PIH1D2: variants seen among roughly 807,000 people sequenced by gnomAD.
PIH1D2 encodes the protein PIH1 domain containing 2.
In PIH1D2, 25 loss-of-function variants were observed where a neutral mutation model predicts 31.2. That is an observed-to-expected ratio of 0.80 (90% CI 0.58 to 1.12). PIH1D2 has a LOEUF of 1.12. PIH1D2 is among the 50% of genes most tolerant of loss of function. The pLI is 0.00. For synonymous variants in PIH1D2, 116 were observed against 119.9 expected, an observed-to-expected ratio of 0.97 and a Z score of 0.21; for missense variants, 310 against 356.6, an observed-to-expected ratio of 0.87 and a Z score of 1.05.
chr11:112,070,199 G>A (rs1474464331), intron 5 of PIH1D2: 1 of 605,686 alleles, frequency 1.7e-6, no homozygotes, highest in African/African-American at 1.9e-5. Flanking sequence ...GAGTAGAAGT[G>A]ATATCATGAA....
In PIH1D2 at chr11:112,070,461, G is replaced by C. The variant is rs782583609; in HGVS notation, c.788C>G (p.Ser263Cys). 40 of 1,613,908 alleles carry C rather than the reference G, an allele frequency of 2.5e-5. No individual in the cohort carries two copies. Among genetic ancestry groups the C allele is most frequent in the Non-Finnish European group, 3.2e-5 (38 of 1,179,954 alleles). The part of the protein sequence containing the change: ...KVELPGINSV[S>C]LCDLSVSEDD... ...CTCAGAAACACTAAGGTCACAGAGA[G>C]AGACAGAATTAATACCAGGTAATTC... Residue 263 changes from serine to cysteine, a missense_variant, in exon 5 of 6, where the codon TCT becomes TGT. Physicochemically the swap from Ser to Cys is moderately radical, Grantham distance 112. Transcript: ENST00000280350.
intron 5 of PIH1D2, among the ~76,000 whole-genome samples, chr11:112,069,176 G>T (rs1168222099): frequency 6.6e-6 from 1 of 150,780 alleles, no homozygotes; most frequent in Non-Finnish European, 1.5e-5. Flanking sequence ...TGTTTTTTTT[G>T]TATTTTAGTA....
At chr11:112,059,317 C>T (rs587643051), downstream of PIH1D2, among the ~76,000 whole-genome samples, 20 of 151,098 alleles carry the variant, frequency 1.3e-4, no homozygotes, top group Non-Finnish European at 1.5e-4. Flanking sequence ...ACGATATGTG[C>T]GAAACCAACC....
chr11:112,068,073 T>C, intron 5 of PIH1D2, 68 bp from the exon 6 acceptor site: 1 of 1,088,602 alleles, frequency 9.2e-7, no homozygotes, highest in Non-Finnish European at 1.3e-6. Context: ...TTGTTCCCAG[T>C]TATTCACTCC....
intron 5 of PIH1D2, among the ~76,000 whole-genome samples, chr11:112,069,303 CA>C (rs1865040195): frequency 6.6e-6 from 1 of 152,062 alleles, no homozygotes; most frequent in Non-Finnish European, 1.5e-5. Flanking sequence ...CGTACCCAGC[CA>C]AAACCTCTGA....
At chr11:112,065,456 AAATACAT>A (rs1333702571), downstream of PIH1D2, among the ~76,000 whole-genome samples, 3 of 152,174 alleles carry the variant, frequency 2.0e-5, no homozygotes, top group Non-Finnish European at 4.4e-5. Flanking sequence ...AGTTTTTAGG[AAATACAT>A]TTTGGTAGTG....
chr11:112,071,158 T>A lies in PIH1D2; in HGVS notation c.427A>T (p.Thr143Ser), dbSNP rs1212949189. Reference protein sequence around the residue: ...MKCIEEKFQFTLSHSYHITKF... With the variant: ...MKCIEEKFQFSLSHSYHITKF... ...GTAATATGGTAAGAGTGTGAGAGGG[T>A]GAACTGGAATTTCTCCTCAATGCAT... is the stretch of plus-strand genomic sequence containing the variant. Residue 143 changes from threonine to serine, a missense_variant, in exon 4 of 6, where the codon ACC (threonine) becomes TCC (serine). Coordinates refer to ENST00000280350, the MANE Select transcript of PIH1D2 (RefSeq NM_138789.4). The A allele has an allele frequency of 6.8e-6, 11 of 1,613,750 alleles. No individual in the cohort carries two copies. The highest frequency in any genetic ancestry group is 9.3e-6 in the Non-Finnish European group (11 of 1,179,912).
chr11:112,068,980 TTG>T (rs1248054191), intron 5 of PIH1D2, among the ~76,000 whole-genome samples: 83 of 129,966 alleles, frequency 6.4e-4, no homozygotes, highest in African/African-American at 1.9e-3. Context: ...TGAATTTTTT[TTG>T]TTTTTTTTTT....
downstream of PIH1D2, chr11:112,064,291 T>C (rs1200260794): frequency 1.5e-6 from 2 of 1,330,306 alleles, no homozygotes; most frequent in East Asian, 5.2e-5. Flanking sequence ...TGAGCTATAA[T>C]CTAAATCGAT....
downstream of PIH1D2, chr11:112,061,577 T>G (rs782106719): frequency 6.6e-5 from 13 of 196,968 alleles, no homozygotes; most frequent in East Asian, 2.8e-4. Context: ...TCAGTGTTTT[T>G]TTTGTTTGTT....
chr11:112,066,646 AAAAAG>A (rs1555183887), downstream of PIH1D2, among the ~76,000 whole-genome samples: 1 of 151,300 alleles, frequency 6.6e-6, no homozygotes. Context: ...TCAAAAAAAA[AAAAAG>A]ATATATTTTG....
chr11:112,068,315 C>A (rs141606370), intron 5 of PIH1D2, among the ~76,000 whole-genome samples: 1 of 152,086 alleles, frequency 6.6e-6, no homozygotes, highest in Non-Finnish European at 1.5e-5. Flanking sequence ...AATGATGAAG[C>A]CTTTAGTGAA....
chr11:112,072,920 T>A, intron 2 of PIH1D2, 78 bp downstream of exon 2: 8 of 1,301,734 alleles, frequency 6.1e-6, no homozygotes, highest in Non-Finnish European at 7.2e-6. Flanking sequence ...TAGCAATACC[T>A]AAGTGTAAAG....
chr11:112,071,783 T>A, intron 2 of PIH1D2, 25 bp from the exon 3 acceptor site: 1 of 1,613,102 alleles, frequency 6.2e-7, no homozygotes, highest in Non-Finnish European at 8.5e-7. Context: ...ATTTTGCACA[T>A]CTCAAAACCT....
chr11:112,060,094 A>G (rs782594162), downstream of PIH1D2: 9 of 1,583,244 alleles, frequency 5.7e-6, 1 homozygote, highest in Admixed American at 8.5e-5. Flanking sequence ...CTTTCTAATT[A>G]TGTTATTTTT....
downstream of PIH1D2, among the ~76,000 whole-genome samples, chr11:112,058,677 C>T (rs1360423884): frequency 2.7e-5 from 4 of 149,980 alleles, no homozygotes; most frequent in Non-Finnish European, 5.9e-5. Context: ...GCATTTCTTC[C>T]TTTTATAAAT....
chr11:112,068,644 C>CT (rs1473163133), intron 5 of PIH1D2, among the ~76,000 whole-genome samples: 1 of 151,952 alleles, frequency 6.6e-6, no homozygotes, highest in Non-Finnish European at 1.5e-5. Context: ...ATTAGCCAGG[C>CT]TTGGTGGCAC....
chr11:112,062,251 C>A (rs1252363630), downstream of PIH1D2, among the ~76,000 whole-genome samples: 1 of 152,096 alleles, frequency 6.6e-6, no homozygotes, highest in African/African-American at 2.4e-5. Context: ...TTTCTTCAAG[C>A]TATAAATTTG....
chr11:112,070,884 A>G (rs1865088243), intron 4 of PIH1D2, 154 bp downstream of exon 4: 1 of 1,215,152 alleles, frequency 8.2e-7, no homozygotes, highest in African/African-American at 1.5e-5. Context: ...GGATTTAAAA[A>G]TCAAGGATAT....
Sources: allele counts gnomAD v4.1 joint callset (sites outside exome capture counted in the v4.1 genomes callset), GRCh38; gene constraint gnomAD v4.1.1; transcripts MANE v1.5; gene names NCBI Gene and HGNC (gene_info 2026-07-23, HGNC 2026-07-21).